The following DYSF variants were observed in gnomAD, a reference collection of about 807,000 sequenced individuals.
DYSF encodes the protein dysferlin.
Under a neutral mutation model 274.9 loss-of-function variants are expected in DYSF, and 212 were observed. The ratio of observed to expected loss-of-function variants is 0.77; its 90% confidence interval spans 0.69 to 0.86. DYSF has a LOEUF of 0.86. DYSF is among the 40% of genes least tolerant of loss of function. The pLI is 0.00. For missense variants in DYSF, 2,666 were observed against 2,783.2 expected, an observed-to-expected ratio of 0.96 and a Z score of 0.95; for synonymous variants, 1,091 against 1,078.7, an observed-to-expected ratio of 1.01 and a Z score of -0.22.
Position 71,561,949 on chromosome 2 carries a change from T to A in DYSF, c.2409+5T>A. 1 of 1,613,018 alleles carries A rather than the reference T, an allele frequency of 6.2e-7. No individual in the cohort carries two copies. Among genetic ancestry groups the A allele is most frequent in the Non-Finnish European group, 8.5e-7 (1 of 1,179,692 alleles). On this transcript the variant is annotated splice_donor_5th_base_variant and intron_variant, in intron 23 of 55. Coordinates refer to ENST00000410020, the MANE Select transcript of DYSF (RefSeq NM_001130987.2). ...CTGCGTGCCCTGGCAGAGGAGGTAA[T>A]TAAGCCTGGGGGTGCCTTTCTTCTT...
At chr2:71,648,600 T>C (rs1194537431) in intron 42 of DYSF, among the ~76,000 whole-genome samples, 1 of 151,944 alleles carries the variant, frequency 6.6e-6, no homozygotes, top group African/African-American at 2.4e-5. Flanking sequence ...AATGAAAGAA[T>C]AGTTGAACAT....
At chr2:71,485,059 C>A (rs1459965012) in intron 3 of DYSF, among the ~76,000 whole-genome samples, 2 of 152,214 alleles carry the variant, frequency 1.3e-5, no homozygotes. Context: ...AATTCACCAA[C>A]CTCACCCGTT....
At chr2:71,596,379 AAAT>A (rs762327642) in intron 32 of DYSF, among the ~76,000 whole-genome samples, 5 of 152,314 alleles carry the variant, frequency 3.3e-5, no homozygotes, top group Non-Finnish European at 7.4e-5. Context: ...ATGCTTATAA[AAAT>A]AAAGCGTAGG....
At chr2:71,589,946 T>C (rs537563711) in intron 31 of DYSF, among the ~76,000 whole-genome samples, 1 of 152,194 alleles carries the variant, frequency 6.6e-6, no homozygotes, top group Admixed American at 6.5e-5. Flanking sequence ...GCTGTCCCAT[T>C]GTCTATTTGG....
At chr2:71,532,995 G>A (rs183455468) in intron 14 of DYSF, among the ~76,000 whole-genome samples, 2 of 152,210 alleles carry the variant, frequency 1.3e-5, no homozygotes, top group Admixed American at 6.5e-5. Flanking sequence ...TGTGATGCAC[G>A]TGTAAGCAAA....
chr2:71,524,353 G>T (rs895125474), intron 12 of DYSF, among the ~76,000 whole-genome samples: 3 of 152,152 alleles, frequency 2.0e-5, no homozygotes, highest in Admixed American at 6.5e-5. Flanking sequence ...TAGTACGGCA[G>T]GTCTTGTACA....
At chr2:71,601,809 A>G (rs1330715127) in intron 35 of DYSF, among the ~76,000 whole-genome samples, 3 of 152,232 alleles carry the variant, frequency 2.0e-5, no homozygotes, top group East Asian at 3.9e-4. Context: ...CTGGCTGAGC[A>G]TTAGAATCTC....
At chr2:71,589,751 T>G in intron 31 of DYSF, 65 bp downstream of exon 31, 1 of 1,458,214 alleles carries the variant, frequency 6.9e-7, no homozygotes, top group Non-Finnish European at 9.6e-7. Flanking sequence ...TCTGTTTGGA[T>G]GGAGTTATAC....
chr2:71,516,308 GCGTGTGTGTTTGTGCA>G, intron 9 of DYSF, 66 bp downstream of exon 9: 2 of 1,482,756 alleles, frequency 1.3e-6, no homozygotes, highest in African/African-American at 2.8e-5. Flanking sequence ...CAGTGCACAC[GCGTGTGTGTTTGTGCA>G]CGTGTGTGCA....
At chr2:71,481,560 A>G (rs1208004843) in intron 2 of DYSF, among the ~76,000 whole-genome samples, 1 of 152,208 alleles carries the variant, frequency 6.6e-6, no homozygotes, top group Non-Finnish European at 1.5e-5. Context: ...TTTCCCAGCC[A>G]CACTCCTGGC....
chr2:71,611,714 A>G, intron 38 of DYSF, 88 bp downstream of exon 38: 1 of 1,505,248 alleles, frequency 6.6e-7, no homozygotes, highest in East Asian at 2.4e-5. Context: ...TTGTGCTCCA[A>G]TTCCCTGCGG....
intron 14 of DYSF, among the ~76,000 whole-genome samples, chr2:71,533,466 A>G (rs538657850): frequency 6.4e-4 from 97 of 152,330 alleles, no homozygotes; most frequent in African/African-American, 2.2e-3. Context: ...ACAGCTGCCT[A>G]GTACTCCATT....
intron 36 of DYSF, among the ~76,000 whole-genome samples, chr2:71,605,338 C>T (rs1164922475): frequency 1.3e-5 from 2 of 152,216 alleles, no homozygotes. Flanking sequence ...TTTAGATTTC[C>T]TGAGAACTGG....
At chr2:71,490,284 C>T (rs897700024) in intron 3 of DYSF, among the ~76,000 whole-genome samples, 1 of 152,194 alleles carries the variant, frequency 6.6e-6, no homozygotes, top group African/African-American at 2.4e-5. Context: ...CCATCTTCTA[C>T]CCATGAATTT....
upstream of DYSF, chr2:71,466,686 C>T (rs889763058): frequency 8.0e-6 from 11 of 1,372,070 alleles, no homozygotes; most frequent in African/African-American, 4.6e-5. Flanking sequence ...GCAGCCTCTC[C>T]CAGGCATTGG....
rs1574332102 is a variant in DYSF, at chr2:71,610,335, C to T, written c.3958-910C>T. Among the ~76,000 whole-genome samples the T allele has an allele frequency of 2.0e-5, 3 of 152,316 alleles. No individual in the cohort carries two copies. In the South Asian group the frequency reaches 6.2e-4, roughly 32 times the overall value. ...CCTCACCCTAACCTTTAGAGGTTGA[C>T]AACTTTTGCTAACCATTTTATAGAT... On this transcript the variant is annotated intron_variant, in intron 36 of 55. Coordinates refer to ENST00000410020, the MANE Select transcript of DYSF (RefSeq NM_001130987.2).
intron 1 of DYSF, among the ~76,000 whole-genome samples, chr2:71,454,850 C>G (rs2080988504): frequency 1.3e-5 from 2 of 152,066 alleles, no homozygotes; most frequent in African/African-American, 4.8e-5. Context: ...GAGGGCTGGG[C>G]CCTGGCTGCT....
chr2:71,654,469 C>T (rs2094728600), intron 42 of DYSF, among the ~76,000 whole-genome samples: 2 of 152,068 alleles, frequency 1.3e-5, no homozygotes, highest in South Asian at 2.1e-4. Flanking sequence ...AACTCCCACA[C>T]CGTATAAGTG....
intron 3 of DYSF, among the ~76,000 whole-genome samples, chr2:71,486,368 C>G (rs1407926119): frequency 1.3e-5 from 2 of 152,030 alleles, no homozygotes; most frequent in Non-Finnish European, 2.9e-5. Context: ...GCCTGTCACT[C>G]TGTCTCTGTG....
Sources: allele counts gnomAD v4.1 joint callset (sites outside exome capture counted in the v4.1 genomes callset), GRCh38; gene constraint gnomAD v4.1.1; transcripts MANE v1.5; gene names NCBI Gene and HGNC (gene_info 2026-07-23, HGNC 2026-07-21).